Variants in PCDH15 observed in about 807,000 individuals in gnomAD.
The protein encoded by PCDH15 is protocadherin related 15, also known as protocadherin-15.
In PCDH15, 129 loss-of-function variants were observed where a neutral mutation model predicts 178.5. The observed-to-expected ratio is 0.72, with a 90% CI of 0.63 to 0.84. The LOEUF (loss-of-function observed/expected upper bound fraction) is 0.84. Among genes scored for constraint, PCDH15 ranks in the 40% least tolerant of loss-of-function variants. PCDH15 has a pLI of 0.00. For missense variants in PCDH15, 2,230 were observed against 2,099.9 expected (o/e 1.06, Z -1.21); for synonymous variants, 800 against 732.0 (o/e 1.09, Z -1.50).
intron 3 of PCDH15, among the ~76,000 whole-genome samples, chr10:54,892,989 T>C (rs11004624): frequency 0.11 from 17,259 of 152,046 alleles, 1,336 homozygotes; most frequent in East Asian, 0.24. Context: ...CATCTCCTCC[T>C]GGACTTTTCA....
intron 13 of PCDH15, among the ~76,000 whole-genome samples, chr10:54,167,826 C>T (rs1159505627): frequency 6.6e-6 from 1 of 151,282 alleles, no homozygotes; most frequent in Non-Finnish European, 1.5e-5. Context: ...TATTTCCATG[C>T]CCCAACCCCT....
At chr10:54,320,597 T>G (rs866722371) in intron 7 of PCDH15, among the ~76,000 whole-genome samples, 2 of 151,964 alleles carry the variant, frequency 1.3e-5, no homozygotes, top group African/African-American at 2.4e-5. Context: ...TAAAAAAAAA[T>G]AGCTCATCAA....
At chr10:54,130,101 TGATAAAAATA>T (rs375779377) in intron 15 of PCDH15, among the ~76,000 whole-genome samples, 174 of 152,116 alleles carry the variant, frequency 1.1e-3, no homozygotes, top group African/African-American at 4.0e-3. Flanking sequence ...ATCTTTAGTA[TGATAAAAATA>T]GATAAAAAAT....
chr10:54,242,130 T>TATATATATATATATA (rs2055394419), intron 8 of PCDH15, among the ~76,000 whole-genome samples: 1 of 31,686 alleles, frequency 3.2e-5, no homozygotes, highest in African/African-American at 1.7e-4. Context: ...AATTCTATTT[T>TATATATATATATATA]TATATATATA....
intron 3 of PCDH15, among the ~76,000 whole-genome samples, chr10:54,516,191 C>G (rs1413646345): frequency 6.6e-6 from 1 of 152,034 alleles, no homozygotes; most frequent in African/African-American, 2.4e-5. Context: ...GATGATCAAA[C>G]TACTCTGAGC....
chr10:55,452,000 G>A (rs1839446049), intron 2 of PCDH15, among the ~76,000 whole-genome samples: 1 of 152,112 alleles, frequency 6.6e-6, no homozygotes, highest in Admixed American at 6.5e-5. Flanking sequence ...GTGAATAAAT[G>A]TATTTTAAGT....
intron 2 of PCDH15, among the ~76,000 whole-genome samples, chr10:55,327,178 GC>G (rs1844053754): frequency 6.6e-6 from 1 of 151,964 alleles, no homozygotes; most frequent in African/African-American, 2.4e-5. Context: ...AATATATCTG[GC>G]CCCTTCTGCC....
chr10:54,346,517 T>A, intron 5 of PCDH15, 33 bp from the exon 6 acceptor site: 3 of 1,610,022 alleles, frequency 1.9e-6, no homozygotes, highest in Non-Finnish European at 2.5e-6. Flanking sequence ...ATATCAATTT[T>A]CATTTTATCA....
chr10:55,188,386 T>C (rs1333889803), intron 1 of PCDH15, among the ~76,000 whole-genome samples: 2 of 151,908 alleles, frequency 1.3e-5, no homozygotes, highest in African/African-American at 4.8e-5. Flanking sequence ...ATTTTATATA[T>C]TTCCATTTTG....
chr10:55,082,708 G>C (rs972199391), intron 2 of PCDH15, among the ~76,000 whole-genome samples: 4 of 151,588 alleles, frequency 2.6e-5, no homozygotes, highest in African/African-American at 9.7e-5. Context: ...TAAAATTAGA[G>C]ATGAAAAAGG....
chr10:54,106,690 C>T (rs1876326), intron 15 of PCDH15, among the ~76,000 whole-genome samples: 87,705 of 152,012 alleles, frequency 0.58, 26,095 homozygotes, highest in Middle Eastern at 0.67. Context: ...TGTGGATCCA[C>T]ACACATAAGA....
chr10:55,326,296 C>T (rs1441153108), intron 2 of PCDH15, among the ~76,000 whole-genome samples: 1 of 152,110 alleles, frequency 6.6e-6, no homozygotes, highest in Non-Finnish European at 1.5e-5. Context: ...ATGTTCACTG[C>T]AGCCTTATTT....
chr10:55,321,875 A>C (rs1385575421), upstream of PCDH15, among the ~76,000 whole-genome samples: 1 of 152,228 alleles, frequency 6.6e-6, no homozygotes, highest in Non-Finnish European at 1.5e-5. Context: ...ATGGAAAGGA[A>C]AACTAGTTAC....
intron 3 of PCDH15, among the ~76,000 whole-genome samples, chr10:54,433,912 C>G (rs7091164): frequency 0.19 from 29,541 of 152,096 alleles, 3,326 homozygotes; most frequent in African/African-American, 0.31. Flanking sequence ...AGATATTGCA[C>G]AAGAAGGCAT....
rs199803693 is a variant in PCDH15 at position 53,899,994 on chromosome 10, G to A, written c.3501+3249C>T. On this transcript the variant is annotated intron_variant, in intron 26 of 37. Coordinates refer to ENST00000644397, the MANE Select transcript of PCDH15 (RefSeq NM_001384140.1). ...AGTTTGTTTCCTCTACTTAGACTGT[G>A]TCTTCCTCACATATGTTTCACTTTG... Among the ~76,000 whole-genome samples, 372 of 141,476 alleles carry A rather than the reference G, an allele frequency of 2.6e-3. 2 individuals carry two copies. Among genetic ancestry groups the A allele is most frequent in the African/African-American group, 9.6e-3 (366 of 38,048 alleles). 92.8% of individuals were successfully genotyped at this position (141,476 alleles called of 152,430 possible).
intron 2 of PCDH15, among the ~76,000 whole-genome samples, chr10:55,414,362 A>T (rs933328875): frequency 1.9e-4 from 29 of 151,758 alleles, no homozygotes; most frequent in African/African-American, 6.5e-4. Flanking sequence ...AATGTTCAAA[A>T]TAAAAAATCC....
At chr10:54,148,493 C>T (rs891455789) in intron 14 of PCDH15, among the ~76,000 whole-genome samples, 2 of 151,932 alleles carry the variant, frequency 1.3e-5, no homozygotes, top group African/African-American at 4.8e-5. Flanking sequence ...CAAAAAAAGT[C>T]TGCGCATGTT....
At chr10:55,548,210 GCACACACACA>G (rs200097115) in intron 2 of PCDH15, among the ~76,000 whole-genome samples, 1,788 of 121,266 alleles carry the variant, frequency 0.015, 22 homozygotes, top group African/African-American at 0.04. Flanking sequence ...AATGCCTAAT[GCACACACACA>G]CACACACACA....
chr10:53,806,750 C>T lies in PCDH15; in HGVS notation c.5052G>A (p.Ala1684=), dbSNP rs572313030. 108 of 1,613,728 alleles carry T rather than the reference C, an allele frequency of 6.7e-5. No homozygotes were observed. Among genetic ancestry groups the T allele is most frequent in the South Asian group, 5.7e-4 (52 of 91,080 alleles). The change falls in exon 38 of 38, where the codon GCG becomes GCA. Residue 1684 remains alanine (A), a synonymous_variant. Transcript: ENST00000644397. ...TCAGCCTGTTCCTTAGTGGCTTCAC[C>T]GCTGTATTGTCAGTCCCCACAGGGC... ...APCPVGTDNT[A]VKPLRNRLKS...
Sources: gnomAD v4.1 joint callset for allele counts (sites outside exome capture counted in the v4.1 genomes callset) on GRCh38, gnomAD v4.1.1 for gene constraint, MANE v1.5 for transcripts, NCBI Gene and HGNC (gene_info 2026-07-23, HGNC 2026-07-21) for gene names.